PHKB: variants seen among roughly 807,000 people sequenced by gnomAD.
PHKB encodes the protein phosphorylase b kinase regulatory subunit beta.
In PHKB, 122 loss-of-function variants were observed where a neutral mutation model predicts 152.1. That is an observed-to-expected ratio of 0.80 (90% CI 0.69 to 0.93). PHKB has a LOEUF of 0.93. Among genes scored for constraint, PHKB ranks in the 40% least tolerant of loss-of-function variants. PHKB has a pLI of 0.00. For synonymous variants in PHKB, 436 were observed against 464.9 expected, an observed-to-expected ratio of 0.94 and a Z score of 0.80; for missense variants, 1,304 against 1,328.4, an observed-to-expected ratio of 0.98 and a Z score of 0.29.
intron 7 of PHKB, among the ~76,000 whole-genome samples, chr16:47,570,897 C>T (rs1474054583): frequency 6.6e-6 from 1 of 151,902 alleles, no homozygotes; most frequent in African/African-American, 2.4e-5. Flanking sequence ...TGGTTTCTTC[C>T]CATCTGGATA....
intron 4 of PHKB, among the ~76,000 whole-genome samples, chr16:47,505,771 G>C (rs1390991926): frequency 6.6e-6 from 1 of 152,026 alleles, no homozygotes; most frequent in African/African-American, 2.4e-5. Flanking sequence ...GGTGGCTCAC[G>C]CCTAAAATCA....
intron 7 of PHKB, among the ~76,000 whole-genome samples, chr16:47,550,065 C>T (rs934220965): frequency 2.0e-5 from 3 of 152,134 alleles, no homozygotes; most frequent in Non-Finnish European, 2.9e-5. Flanking sequence ...TAAAATTCCC[C>T]AAAAGAACTT....
intron 16 of PHKB, among the ~76,000 whole-genome samples, chr16:47,648,004 C>T (rs142984064): frequency 5.2e-4 from 79 of 152,072 alleles, no homozygotes; most frequent in African/African-American, 1.6e-3. Flanking sequence ...CCCCTTTCAG[C>T]GTATACCAGA....
intron 13 of PHKB, chr16:47,599,030 A>G: frequency 1.4e-6 from 1 of 706,306 alleles, no homozygotes. Flanking sequence ...CGATCAACAC[A>G]TGAAATAGTT....
At chr16:47,629,497 T>G (rs905714726) in intron 14 of PHKB, among the ~76,000 whole-genome samples, 3 of 151,712 alleles carry the variant, frequency 2.0e-5, no homozygotes, top group Admixed American at 6.6e-5. Flanking sequence ...CCAGTTAGAA[T>G]GGTGATCATT....
intron 1 of PHKB, among the ~76,000 whole-genome samples, chr16:47,472,698 C>T (rs376348967): frequency 2.6e-5 from 4 of 152,062 alleles, no homozygotes; most frequent in African/African-American, 9.7e-5. Flanking sequence ...AGGAGAATGG[C>T]GTGAACCCAG....
At chr16:47,676,452 A>G (rs1973733744) in intron 26 of PHKB, 1 of 152,202 alleles carries the variant, frequency 6.6e-6, no homozygotes, top group South Asian at 2.1e-4. Flanking sequence ...AGCATTCACT[A>G]GACTGAATGG....
At chr16:47,610,699 G>C in intron 13 of PHKB, 127 bp from the exon 14 acceptor site, 5 of 699,788 alleles carry the variant, frequency 7.1e-6, no homozygotes, top group Non-Finnish European at 1.3e-5. Context: ...TCCTGGTGGA[G>C]GATGTTTCAT....
chr16:47,637,449 C>T (rs948372360), intron 14 of PHKB, among the ~76,000 whole-genome samples: 5 of 152,092 alleles, frequency 3.3e-5, no homozygotes, highest in Admixed American at 1.3e-4. Context: ...GTGGGTGGAA[C>T]GAGCCCAGTA....
chr16:47,539,562 T>A (rs1476058088), intron 6 of PHKB, among the ~76,000 whole-genome samples: 2 of 152,126 alleles, frequency 1.3e-5, no homozygotes, highest in South Asian at 2.1e-4. Flanking sequence ...ATTGAGAAGA[T>A]TTAAATTTTA....
Position 47,696,475 on chromosome 16 carries a change from A to C in PHKB, c.2990A>C (p.Gln997Pro). ...LGNIDQPQYR[Q>P]IVVELLMVVS... ...AATATTGACCAGCCACAGTACAGAC[A>C]GATCGTTGTAGAGGTGAGTAGTAAG... Residue 997 changes from glutamine (Q) to proline (P), a missense_variant, in exon 29 of 31, where the codon CAG becomes CCG. Coordinates refer to ENST00000323584, the MANE Select transcript of PHKB (RefSeq NM_000293.3). 6.4e-7 allele frequency: 1 copy of C among 1,573,898 alleles called. No homozygotes were observed.
intron 26 of PHKB, among the ~76,000 whole-genome samples, chr16:47,681,521 G>A (rs1973855385): frequency 6.6e-6 from 1 of 151,484 alleles, no homozygotes; most frequent in African/African-American, 2.4e-5. Context: ...TTACCATTAT[G>A]TAATGGCGTT....
chr16:47,519,821 G>A (rs1047754611), intron 6 of PHKB, among the ~76,000 whole-genome samples: 4 of 152,124 alleles, frequency 2.6e-5, no homozygotes, highest in Non-Finnish European at 4.4e-5. Flanking sequence ...GTTGAACTTC[G>A]TTAGAGAGAT....
intron 2 of PHKB, 56 bp downstream of exon 2, chr16:47,497,544 T>C: frequency 3.0e-6 from 3 of 1,010,546 alleles, no homozygotes; most frequent in South Asian, 2.6e-5. Flanking sequence ...GTATTCCCCT[T>C]GCCCTAGTTA....
At chr16:47,472,803 C>T (rs1055392118) in intron 1 of PHKB, among the ~76,000 whole-genome samples, 5 of 151,138 alleles carry the variant, frequency 3.3e-5, no homozygotes, top group African/African-American at 9.7e-5. Flanking sequence ...AAAAATTAGC[C>T]AGGTGTTGTG....
chr16:47,569,413 G>A (rs1048674398), intron 7 of PHKB, among the ~76,000 whole-genome samples: 22 of 152,024 alleles, frequency 1.4e-4, no homozygotes, highest in African/African-American at 5.1e-4. Context: ...GGTTAGGTGG[G>A]TCTCTTGAAG....
At chr16:47,464,517 G>A (rs1292610213) in intron 1 of PHKB, among the ~76,000 whole-genome samples, 1 of 152,170 alleles carries the variant, frequency 6.6e-6, no homozygotes, top group Non-Finnish European at 1.5e-5. Context: ...ACAGATGTTG[G>A]CACAATGGCT....
At chr16:47,471,092 T>C (rs1387763597) in intron 1 of PHKB, among the ~76,000 whole-genome samples, 2 of 152,128 alleles carry the variant, frequency 1.3e-5, no homozygotes, top group Non-Finnish European at 2.9e-5. Context: ...ACTCATCAGC[T>C]CTCTGTCTCC....
chr16:47,650,541 C>T lies in PHKB; in HGVS notation c.1798-3C>T, dbSNP rs751435260. The T allele has an allele frequency of 1.9e-6, 3 of 1,570,880 alleles. No homozygotes were observed. Among genetic ancestry groups the T allele is most frequent in the Non-Finnish European group, 2.6e-6 (3 of 1,140,822 alleles). On this transcript the variant is annotated splice_region_variant and splice_polypyrimidine_tract_variant and intron_variant, in intron 18 of 30. Coordinates refer to ENST00000323584, the MANE Select transcript of PHKB (RefSeq NM_000293.3). Reference sequence around the variant, plus strand: ...TTACATCCTACCTCATTCTGTTTGACAGAATGCGCTGCAGTTCATTAAACA... The same window carrying T: ...TTACATCCTACCTCATTCTGTTTGATAGAATGCGCTGCAGTTCATTAAACA...
Sources: allele counts gnomAD v4.1 joint callset (sites outside exome capture counted in the v4.1 genomes callset), GRCh38; gene constraint gnomAD v4.1.1; transcripts MANE v1.5; gene names NCBI Gene and HGNC (gene_info 2026-07-23, HGNC 2026-07-21).